The following NCOA2 variants were observed in gnomAD, a reference collection of about 807,000 sequenced individuals.
The protein encoded by NCOA2 is class E basic helix-loop-helix protein 75.
NCOA2 carries 21 observed loss-of-function variants against 145.1 expected under a neutral mutation model. The ratio of observed to expected loss-of-function variants is 0.14; its 90% CI spans 0.10 to 0.21. The LOEUF (loss-of-function observed/expected upper bound fraction) is 0.21. NCOA2 is among the 10% of genes least tolerant of loss of function. The pLI is 1.00. For missense variants in NCOA2, 1,472 were observed against 1,837.6 expected, an observed-to-expected ratio of 0.80 and a Z score of 3.64; for synonymous variants, 619 against 637.5, an observed-to-expected ratio of 0.97 and a Z score of 0.44.
At chr8:70,168,106 A>T (rs1813839006) in intron 6 of NCOA2, among the ~76,000 whole-genome samples, 1 of 152,212 alleles carries the variant, frequency 6.6e-6, no homozygotes, top group Non-Finnish European at 1.5e-5. Context: ...ATGGAGAAGG[A>T]CATGTAGGTG....
intron 1 of NCOA2, among the ~76,000 whole-genome samples, chr8:70,328,374 A>C (rs527530423): frequency 6.6e-6 from 1 of 152,132 alleles, no homozygotes; most frequent in Non-Finnish European, 1.5e-5. Context: ...TTTCTACGCA[A>C]TAAGTTTGTG....
intron 1 of NCOA2, among the ~76,000 whole-genome samples, chr8:70,301,686 A>G (rs1193628171): frequency 6.7e-6 from 1 of 149,370 alleles, no homozygotes; most frequent in African/African-American, 2.5e-5. Flanking sequence ...AAAAAGAAAG[A>G]TATGTTTGTC....
At chr8:70,235,794 T>C (rs1447497530) in intron 2 of NCOA2, among the ~76,000 whole-genome samples, 1 of 152,188 alleles carries the variant, frequency 6.6e-6, no homozygotes, top group Non-Finnish European at 1.5e-5. Context: ...CAGTGAACTA[T>C]GATCGCACCA....
At chr8:70,249,963 CAA>C (rs747018939) in intron 2 of NCOA2, among the ~76,000 whole-genome samples, 13 of 75,226 alleles carry the variant, frequency 1.7e-4, no homozygotes, top group Admixed American at 5.2e-4. Context: ...AATCTGCCTC[CAA>C]AAAAAAAAAA....
the NCOA2 span, among the ~76,000 whole-genome samples, chr8:70,434,902 A>G: frequency 1.3e-5 from 2 of 152,144 alleles, no homozygotes; most frequent in African/African-American, 4.8e-5. Flanking sequence ...TATATAATGA[A>G]TCTGAGATTA....
At chr8:70,255,095 C>T (rs1217366969) in intron 2 of NCOA2, among the ~76,000 whole-genome samples, 1 of 152,104 alleles carries the variant, frequency 6.6e-6, no homozygotes, top group Non-Finnish European at 1.5e-5. Flanking sequence ...TGAGGATTAC[C>T]TCTGACCCAT....
chr8:70,453,772 A>T, the NCOA2 span, among the ~76,000 whole-genome samples: 1 of 152,232 alleles, frequency 6.6e-6, no homozygotes. Context: ...CACACACAGA[A>T]GTCAAACACT....
intron 1 of NCOA2, among the ~76,000 whole-genome samples, chr8:70,303,533 T>G (rs962909133): frequency 6.6e-6 from 1 of 152,070 alleles, no homozygotes; most frequent in Non-Finnish European, 1.5e-5. Flanking sequence ...CTAGAGAAGG[T>G]TGAAGTGTTG....
chr8:70,209,717 A>G (rs955398880), intron 4 of NCOA2, among the ~76,000 whole-genome samples: 1 of 152,222 alleles, frequency 6.6e-6, no homozygotes, highest in Non-Finnish European at 1.5e-5. Context: ...TTTTTAAGTT[A>G]AAATGTATTA....
At chr8:70,315,231 TAAGAAA>T (rs1805494016) in intron 1 of NCOA2, among the ~76,000 whole-genome samples, 1 of 152,082 alleles carries the variant, frequency 6.6e-6, no homozygotes, top group South Asian at 2.1e-4. Flanking sequence ...TCAACACCTC[TAAGAAA>T]AAGAAAGAAT....
chr8:70,222,427 A>G (rs928046849), intron 2 of NCOA2, among the ~76,000 whole-genome samples: 4 of 152,224 alleles, frequency 2.6e-5, no homozygotes, highest in Admixed American at 6.5e-5. Context: ...GCTGTGTCTT[A>G]GTCCAGGAAC....
intron 4 of NCOA2, among the ~76,000 whole-genome samples, chr8:70,205,901 G>A (rs1429922177): frequency 6.6e-6 from 1 of 152,190 alleles, no homozygotes; most frequent in African/African-American, 2.4e-5. Flanking sequence ...TTCTTGTATA[G>A]GAATGGCCAA....
At chr8:70,446,129 CA>C in the NCOA2 span, among the ~76,000 whole-genome samples, 1 of 151,908 alleles carries the variant, frequency 6.6e-6, no homozygotes, top group Non-Finnish European at 1.5e-5. Context: ...AATCACCAGA[CA>C]AAAAGCTCTT....
At chr8:70,216,843 A>G in intron 2 of NCOA2, 79 bp from the exon 3 acceptor site, 1 of 920,554 alleles carries the variant, frequency 1.1e-6, no homozygotes, top group South Asian at 1.4e-5. Flanking sequence ...TACCAACAAT[A>G]AAAGAATTTT....
chr8:70,155,960 A>G lies in NCOA2; in HGVS notation c.2394+11T>C, dbSNP rs375428213. The G allele has an allele frequency of 4.5e-6, 7 of 1,549,268 alleles. No homozygotes were observed. In the African/African-American group the frequency reaches 9.7e-5, roughly 21 times the overall value. ...ATTAGTACACCTGCGAGAAGATGTG[A>G]TAAAACTTACCTGGTCACCAGGCTC... On this transcript the variant is annotated intron_variant, in intron 11 of 22. Coordinates refer to ENST00000452400, the MANE Select transcript of NCOA2 (RefSeq NM_006540.4).
chr8:70,171,712 G>T (rs998366635), intron 5 of NCOA2, among the ~76,000 whole-genome samples: 1 of 152,154 alleles, frequency 6.6e-6, no homozygotes. Flanking sequence ...GCCCAGCCTG[G>T]AGTACAGTGG....
chr8:70,234,782 A>G (rs1396958676), intron 2 of NCOA2, among the ~76,000 whole-genome samples: 1 of 152,224 alleles, frequency 6.6e-6, no homozygotes, highest in Non-Finnish European at 1.5e-5. Flanking sequence ...CAAGGCCAAA[A>G]AGTAAAAGCA....
intron 2 of NCOA2, among the ~76,000 whole-genome samples, chr8:70,253,812 C>G (rs1020450393): frequency 6.6e-6 from 1 of 151,990 alleles, no homozygotes; most frequent in South Asian, 2.1e-4. Flanking sequence ...GAAGAAAACA[C>G]AGGGGAAAAA....
At chr8:70,409,735 T>C in the NCOA2 span, among the ~76,000 whole-genome samples, 1 of 151,994 alleles carries the variant, frequency 6.6e-6, no homozygotes, top group Non-Finnish European at 1.5e-5. Context: ...CCAGGTGTGG[T>C]GGCACACACC....
Sources: gnomAD v4.1 joint callset for allele counts (sites outside exome capture counted in the v4.1 genomes callset) on GRCh38, gnomAD v4.1.1 for gene constraint, MANE v1.5 for transcripts, NCBI Gene and HGNC (gene_info 2026-07-23, HGNC 2026-07-21) for gene names.